Variants in IGSF5 observed in about 807,000 individuals in gnomAD.
IGSF5 encodes the protein immunoglobulin superfamily member 5, also known as immunoglobulin superfamily 5 like.
In IGSF5, 41 loss-of-function variants were observed where a neutral mutation model predicts 39.4. The ratio of observed to expected loss-of-function variants is 1.04; its 90% CI spans 0.81 to 1.35. The LOEUF is 1.35. Ranked by LOEUF, IGSF5 falls within the 40% of genes most tolerant of loss-of-function variation. The pLI, the probability that IGSF5 is intolerant of heterozygous loss-of-function variation, is 0.00. For synonymous variants in IGSF5, 183 were observed against 175.3 expected (o/e 1.04, Z -0.34); for missense variants, 487 against 494.6 (o/e 0.98, Z 0.15).
chr21:39,787,081 A>G (rs1243882037), intron 5 of IGSF5, among the ~76,000 whole-genome samples: 5 of 152,208 alleles, frequency 3.3e-5, no homozygotes, highest in Non-Finnish European at 5.9e-5. Context: ...CACATTGTGC[A>G]CATGTACCCG....
chr21:39,724,246 A>G, the IGSF5 span, among the ~76,000 whole-genome samples: 5 of 152,166 alleles, frequency 3.3e-5, no homozygotes, highest in African/African-American at 1.2e-4. Context: ...ATTTGGTGCA[A>G]CAATGTACCC....
chr21:39,751,683 C>T (rs1342457129), intron 2 of IGSF5, among the ~76,000 whole-genome samples: 1 of 152,136 alleles, frequency 6.6e-6, no homozygotes, highest in Non-Finnish European at 1.5e-5. Context: ...TTACCGACTT[C>T]GAGGGTACAA....
In IGSF5 at chr21:39,779,220, T is replaced by C; in HGVS notation, c.849T>C (p.Leu283=). The change falls in exon 5 of 9, where the codon CTT becomes CTC. Residue 283 remains leucine, a synonymous_variant. Coordinates refer to ENST00000380588, the MANE Select transcript of IGSF5 (RefSeq NM_001080444.2). ...GTMLLTPTCT[L]TIRCCCCRRR... ...TGCTTCTGACGCCGACGTGTACTCT[T>C]ACAATACGCTGCTGCTGCTGCCGCC... 6.2e-7 allele frequency: 1 copy of C among 1,614,036 alleles called. No homozygotes were observed. The highest frequency in any genetic ancestry group is 8.5e-7 in the Non-Finnish European group (1 of 1,179,916).
chr21:39,715,113 CTTTCT>C, the IGSF5 span, among the ~76,000 whole-genome samples: 5 of 150,310 alleles, frequency 3.3e-5, no homozygotes, highest in African/African-American at 1.2e-4. Context: ...CTCTTCCTTT[CTTTCT>C]TTTCTTTTCT....
At chr21:39,748,676 G>A (rs946116789) in intron 2 of IGSF5, among the ~76,000 whole-genome samples, 1 of 152,162 alleles carries the variant, frequency 6.6e-6, no homozygotes, top group African/African-American at 2.4e-5. Flanking sequence ...CATTGGGAGT[G>A]AGGGCTTCAA....
chr21:39,731,199 T>A, the IGSF5 span, among the ~76,000 whole-genome samples: 1 of 152,338 alleles, frequency 6.6e-6, no homozygotes, highest in South Asian at 2.1e-4. Flanking sequence ...TCTAGGATAA[T>A]CTCCCAATTC....
At position 39,765,692 on chromosome 21, in the gene IGSF5, CAT is replaced by C. The variant is rs760831577; in HGVS notation, c.259_260del (p.Ile87HisfsTer4). The part of the protein sequence containing the change: ...VVLSVRPMEP[I>X]ITNDRFTSQR... ...TGCTAAGCGTCAGGCCCATGGAGCC[CAT>C]CATCACCAATGACCGCTTCACCTCT... On this transcript the variant is annotated frameshift_variant, in exon 3 of 9. Coordinates refer to ENST00000380588, the MANE Select transcript of IGSF5 (RefSeq NM_001080444.2). LOFTEE classifies it high-confidence loss of function. The C allele has an allele frequency of 1.9e-6, 3 of 1,614,078 alleles. No individual in the cohort carries two copies. In the Admixed American group the frequency reaches 5.0e-5, roughly 27 times the overall value.
the IGSF5 span, among the ~76,000 whole-genome samples, chr21:39,725,220 C>T: frequency 6.6e-6 from 1 of 152,352 alleles, no homozygotes; most frequent in South Asian, 2.1e-4. Context: ...ATGTAAAACT[C>T]TGCTGTTTGT....
intron 2 of IGSF5, among the ~76,000 whole-genome samples, chr21:39,749,212 GGT>G (rs1491564437): frequency 2.7e-3 from 208 of 77,348 alleles, no homozygotes; most frequent in East Asian, 0.024. Context: ...AAGACAAATA[GGT>G]TTTTTTTTTT....
At chr21:39,723,274 T>C in the IGSF5 span, among the ~76,000 whole-genome samples, 3 of 152,174 alleles carry the variant, frequency 2.0e-5, no homozygotes, top group Admixed American at 1.3e-4. Flanking sequence ...AGGGCTGAAG[T>C]TTCTAGCTGG....
At chr21:39,760,578 C>CT (rs57744699) in intron 2 of IGSF5, among the ~76,000 whole-genome samples, 14 of 146,944 alleles carry the variant, frequency 9.5e-5, no homozygotes, top group East Asian at 2.0e-4. Flanking sequence ...TAAGTCAGGT[C>CT]TTTTTTTTTT....
At chr21:39,733,603 C>A in the IGSF5 span, among the ~76,000 whole-genome samples, 1 of 152,190 alleles carries the variant, frequency 6.6e-6, no homozygotes, top group Non-Finnish European at 1.5e-5. Flanking sequence ...CCTCCCAGGG[C>A]TGCCTGGGAA....
the IGSF5 span, among the ~76,000 whole-genome samples, chr21:39,721,972 G>A: frequency 9.9e-5 from 15 of 152,120 alleles, no homozygotes; most frequent in South Asian, 4.1e-4. Flanking sequence ...CTTTGTCTCC[G>A]TCACAACTCC....
chr21:39,746,094 A>G lies in IGSF5; in HGVS notation c.18-122A>G, dbSNP rs1602360922. On this transcript the variant is annotated intron_variant, in intron 1 of 8. Transcript: ENST00000380588. ...TAGAAGCTGTGGGTCATGGGAGAGA[A>G]CCATGGAAGCCAGTGACTAGTGTTT... The G allele has an allele frequency of 4.4e-6, 3 of 677,534 alleles. No individual in the cohort carries two copies. In the East Asian group the frequency reaches 8.3e-5, roughly 19 times the overall value. The allele number at this position is 677,534 out of a possible 1,614,324, so 42.0% of individuals were successfully genotyped here. A position where few individuals can be genotyped will look rare whatever the true frequency, so the allele number is the denominator to read the frequency against.
At chr21:39,780,009 G>A (rs183532820) in intron 5 of IGSF5, among the ~76,000 whole-genome samples, 110 of 152,268 alleles carry the variant, frequency 7.2e-4, no homozygotes, top group African/African-American at 2.6e-3. Context: ...TAATTATCAT[G>A]TATTGTGTAC....
the IGSF5 span, among the ~76,000 whole-genome samples, chr21:39,714,507 G>T: frequency 1.3e-5 from 2 of 152,212 alleles, no homozygotes; most frequent in African/African-American, 4.8e-5. Flanking sequence ...CACACACTGG[G>T]TGGCTTAAAC....
At position 39,786,638 on chromosome 21, in the gene IGSF5, G is replaced by T. The variant is rs2146291032; in HGVS notation, c.935-1529G>T. 1.3e-5 allele frequency among the ~76,000 whole-genome samples: 2 copies of T among 151,052 alleles called. 1 individual carries two copies. The highest frequency in any genetic ancestry group is 3.0e-5 in the Non-Finnish European group (2 of 67,656). ...TACCCAAAGGACTATAAATCATGCT[G>T]CTATAAAGACACATGCACACGTATG... On this transcript the variant is annotated intron_variant, in intron 5 of 8. Coordinates refer to ENST00000380588, the MANE Select transcript of IGSF5 (RefSeq NM_001080444.2).
At chr21:39,766,227 C>T (rs1190576191) in intron 3 of IGSF5, among the ~76,000 whole-genome samples, 1 of 152,148 alleles carries the variant, frequency 6.6e-6, no homozygotes, top group Non-Finnish European at 1.5e-5. Flanking sequence ...CTCCTTCCAT[C>T]TTTGCTTTCC....
In IGSF5 at chr21:39,779,056, A is replaced by G. The variant is rs1199928704; in HGVS notation, c.719-34A>G. 4.4e-6 allele frequency: 7 copies of G among 1,605,464 alleles called. No individual in the cohort carries two copies. The Admixed American group carries it at 5.0e-5, about 12-fold the overall frequency. ...CAGAATCTGTGATTCTAGGCAGTGCAAGTATCACTAAAATATATTTTTTTC... is the reference window on the plus strand; with the variant it reads ...CAGAATCTGTGATTCTAGGCAGTGCGAGTATCACTAAAATATATTTTTTTC... On this transcript the variant is annotated intron_variant, in intron 4 of 8. Coordinates refer to ENST00000380588, the MANE Select transcript of IGSF5 (RefSeq NM_001080444.2).
Sources: allele counts gnomAD v4.1 joint callset (sites outside exome capture counted in the v4.1 genomes callset), GRCh38; gene constraint gnomAD v4.1.1; transcripts MANE v1.5; gene names NCBI Gene and HGNC (gene_info 2026-07-23, HGNC 2026-07-21).